SNX14: variants seen among roughly 807,000 people sequenced by gnomAD.
SNX14 encodes the protein sorting nexin 14.
Under a neutral mutation model 133.8 loss-of-function variants are expected in SNX14, and 93 were observed. The observed-to-expected ratio is 0.70, with a 90% CI of 0.59 to 0.83. SNX14 has a LOEUF of 0.83. Ranked by LOEUF, SNX14 falls within the 40% of genes least tolerant of loss-of-function variation. The pLI is 0.00. For missense variants in SNX14, 945 were observed against 1,094.9 expected (o/e 0.86, Z 1.93); for synonymous variants, 368 against 365.6 (o/e 1.01, Z -0.07).
At chr6:85,555,345 G>A (rs903343087) in intron 7 of SNX14, among the ~76,000 whole-genome samples, 1 of 152,132 alleles carries the variant, frequency 6.6e-6, no homozygotes, top group Non-Finnish European at 1.5e-5. Flanking sequence ...TCCTTCAATT[G>A]GTGAATGGAT....
intron 1 of SNX14, among the ~76,000 whole-genome samples, chr6:85,588,647 T>C (rs1362903535): frequency 1.3e-5 from 2 of 152,168 alleles, no homozygotes; most frequent in African/African-American, 4.8e-5. Context: ...ACAATATACA[T>C]TGGTCTCCCC....
At chr6:85,573,289 G>T (rs572986251) in intron 2 of SNX14, among the ~76,000 whole-genome samples, 1 of 152,200 alleles carries the variant, frequency 6.6e-6, no homozygotes, top group Non-Finnish European at 1.5e-5. Context: ...AGACCAGCCT[G>T]GCCAACACAG....
intron 14 of SNX14, 93 bp from the exon 15 acceptor site, chr6:85,542,136 A>T: frequency 1.2e-6 from 1 of 809,386 alleles, no homozygotes; most frequent in African/African-American, 1.8e-5. Context: ...GTTTTGGGAA[A>T]AAAAAAAAGC....
intron 1 of SNX14, among the ~76,000 whole-genome samples, chr6:85,577,217 C>T (rs532582883): frequency 3.3e-5 from 5 of 152,096 alleles, no homozygotes; most frequent in South Asian, 4.2e-4. Flanking sequence ...AGTTTGAGAC[C>T]AGCCTGGCCA....
Position 85,530,181 on chromosome 6 carries a change from G to T in SNX14, c.1894+11C>A, listed in dbSNP as rs1414957237. ...TGAAATGTAATGTTTTATCCAAAAA[G>T]AATAACATACCATGAAATTCTGTTA... On this transcript the variant is annotated intron_variant, in intron 19 of 28. Transcript: ENST00000314673. 3 of 1,502,826 alleles carry T rather than the reference G, an allele frequency of 2.0e-6. No individual in the cohort carries two copies. The highest frequency in any genetic ancestry group is 2.8e-6 in the Non-Finnish European group (3 of 1,087,450). The allele number at this position is 1,502,826 out of a possible 1,614,324, so 93.1% of individuals were successfully genotyped here. A position where few individuals can be genotyped will look rare whatever the true frequency, so the allele number is the denominator to read the frequency against.
intron 1 of SNX14, among the ~76,000 whole-genome samples, chr6:85,589,901 T>C (rs1054668164): frequency 6.6e-6 from 1 of 152,208 alleles, no homozygotes; most frequent in African/African-American, 2.4e-5. Context: ...GACAATCCTT[T>C]CCATAGAGTA....
At chr6:85,586,907 A>C (rs1374920663) in intron 1 of SNX14, among the ~76,000 whole-genome samples, 2 of 152,158 alleles carry the variant, frequency 1.3e-5, no homozygotes, top group Non-Finnish European at 2.9e-5. Context: ...TTAGCCAGGC[A>C]TGATGGTGGA....
At chr6:85,520,179 A>AT (rs907013643) in intron 21 of SNX14, among the ~76,000 whole-genome samples, 7 of 151,172 alleles carry the variant, frequency 4.6e-5, no homozygotes, top group Non-Finnish European at 8.8e-5. Flanking sequence ...AGTAGCTGGG[A>AT]TTATAGGTGC....
intron 26 of SNX14, among the ~76,000 whole-genome samples, chr6:85,511,564 T>C (rs1772832925): frequency 6.6e-6 from 1 of 152,244 alleles, no homozygotes; most frequent in Admixed American, 6.5e-5. Context: ...TTTATCAAGT[T>C]GAGGATGTTC....
chr6:85,535,490 C>T (rs1451711009), intron 17 of SNX14, among the ~76,000 whole-genome samples: 2 of 151,706 alleles, frequency 1.3e-5, no homozygotes, highest in Non-Finnish European at 2.9e-5. Context: ...GTGGCGGGCG[C>T]CTGCAACCCC....
intron 1 of SNX14, 128 bp downstream of exon 1, chr6:85,593,451 C>A: frequency 1.4e-6 from 2 of 1,382,036 alleles, no homozygotes; most frequent in African/African-American, 1.5e-5. Flanking sequence ...CGCTCCTCTG[C>A]GGAGCTCGCT....
At chr6:85,561,715 A>G (rs1160563871) in intron 6 of SNX14, among the ~76,000 whole-genome samples, 1 of 152,160 alleles carries the variant, frequency 6.6e-6, no homozygotes, top group Admixed American at 6.5e-5. Flanking sequence ...AAGGAGGTAT[A>G]TGTCCTTAAT....
intron 7 of SNX14, among the ~76,000 whole-genome samples, chr6:85,556,381 C>CAG (rs1789778147): frequency 6.6e-6 from 1 of 151,346 alleles, no homozygotes; most frequent in African/African-American, 2.4e-5. Flanking sequence ...CTGAGCAACA[C>CAG]AGTGAGACCT....
At position 85,569,239 on chromosome 6, in the gene SNX14, G is replaced by A. The variant is rs548945160; in HGVS notation, c.418-1662C>T. Among the ~76,000 whole-genome samples, 51 of 152,326 alleles carry A rather than the reference G, an allele frequency of 3.3e-4. No individual in the cohort carries two copies. In the East Asian group the frequency reaches 9.1e-3, roughly 27 times the overall value. On this transcript the variant is annotated intron_variant, in intron 4 of 28. Coordinates refer to ENST00000314673, the MANE Select transcript of SNX14 (RefSeq NM_153816.6). ...GGCCTCCCAAAGTGCTGGGATTACA[G>A]GCGTGAGCCAACACGCCCAGCGGGT... is the stretch of plus-strand genomic sequence containing the variant.
intron 17 of SNX14, among the ~76,000 whole-genome samples, chr6:85,534,879 G>T (rs779673013): frequency 6.8e-6 from 1 of 146,738 alleles, no homozygotes. Flanking sequence ...TAATAGAAGC[G>T]GTTTCTGGGT....
chr6:85,515,418 C>T (rs1774620164), intron 23 of SNX14, among the ~76,000 whole-genome samples: 2 of 149,452 alleles, frequency 1.3e-5, no homozygotes, highest in South Asian at 4.2e-4. Flanking sequence ...GGAACTAAAA[C>T]AAGATATTAA....
intron 19 of SNX14, among the ~76,000 whole-genome samples, chr6:85,529,364 A>C (rs907749692): frequency 3.9e-5 from 6 of 151,938 alleles, no homozygotes; most frequent in Non-Finnish European, 8.8e-5. Context: ...GAAAGAAAGG[A>C]AGGAAACAAG....
At chr6:85,533,464 T>A in intron 18 of SNX14, 135 bp downstream of exon 18, 1 of 779,854 alleles carries the variant, frequency 1.3e-6, no homozygotes, top group South Asian at 1.9e-5. Context: ...TCTTTCAATT[T>A]TCTGTTCTGG....
intron 26 of SNX14, among the ~76,000 whole-genome samples, chr6:85,512,875 T>C (rs1456678371): frequency 1.3e-5 from 2 of 152,140 alleles, no homozygotes; most frequent in Non-Finnish European, 2.9e-5. Context: ...AAGAGTTGTT[T>C]AGTTTTTTTA....
Sources: gnomAD v4.1 joint callset for allele counts (sites outside exome capture counted in the v4.1 genomes callset) on GRCh38, gnomAD v4.1.1 for gene constraint, MANE v1.5 for transcripts, NCBI Gene and HGNC (gene_info 2026-07-23, HGNC 2026-07-21) for gene names.